The following DISP3 variants were observed in gnomAD, a reference collection of about 807,000 sequenced individuals.
The protein encoded by DISP3 is protein dispatched homolog 3.
Under a neutral mutation model 135.3 loss-of-function variants are expected in DISP3, and 101 were observed. That is an observed-to-expected ratio of 0.75 (90% CI 0.64 to 0.88). The LOEUF is 0.88. DISP3 is among the 40% of genes least tolerant of loss of function. The pLI is 0.00. For missense variants in DISP3, 1,713 were observed against 1,878.6 expected, an observed-to-expected ratio of 0.91 and a Z score of 1.63; for synonymous variants, 856 against 817.0, an observed-to-expected ratio of 1.05 and a Z score of -0.81.
intron 15 of DISP3, 56 bp downstream of exon 15, chr1:11,530,015 A>G: frequency 1.3e-6 from 2 of 1,583,710 alleles, no homozygotes; most frequent in Non-Finnish European, 1.7e-6. Context: ...AGTCTTGCAA[A>G]TAAGCACCTG....
rs377712984 is a variant in DISP3, at chr1:11,502,966, A to G, written c.1316+69A>G. The stretch of plus-strand genomic sequence containing the variant: ...ATTTCCAATTGCCTCTTACTCTTAA[A>G]CCCCATATCCCTTTCCCTATAATCT... On this transcript the variant is annotated intron_variant, in intron 3 of 20. Transcript: ENST00000294484. 8.3e-6 allele frequency: 11 copies of G among 1,320,272 alleles called. No homozygotes were observed. In the East Asian group the frequency reaches 1.4e-4, roughly 17 times the overall value. 81.8% of individuals were successfully genotyped at this position (1,320,272 alleles called of 1,614,324 possible). A position where few individuals can be genotyped will look rare whatever the true frequency, so the allele number is the denominator to read the frequency against.
chr1:11,503,402 C>T (rs1160459435), intron 3 of DISP3, among the ~76,000 whole-genome samples: 1 of 152,206 alleles, frequency 6.6e-6, no homozygotes, highest in African/African-American at 2.4e-5. Context: ...TAGTATAGCT[C>T]AGTCCAAATT....
intron 12 of DISP3, among the ~76,000 whole-genome samples, chr1:11,526,217 G>C (rs1372912866): frequency 6.6e-6 from 1 of 152,174 alleles, no homozygotes; most frequent in African/African-American, 2.4e-5. Context: ...CTGACTCCTA[G>C]GTGCTCGTTC....
chr1:11,492,258 A>C (rs910135248), intron 1 of DISP3, among the ~76,000 whole-genome samples: 6 of 151,946 alleles, frequency 3.9e-5, no homozygotes, highest in Admixed American at 3.3e-4. Flanking sequence ...CACTGAGCCC[A>C]CTAGAGAGGG....
intron 2 of DISP3, 39 bp from the exon 3 acceptor site, chr1:11,502,639 C>G (rs755881157): frequency 1.9e-6 from 3 of 1,542,608 alleles, no homozygotes; most frequent in African/African-American, 1.4e-5. Context: ...TGGGAGCTGA[C>G]CAGCTGAACT....
chr1:11,519,446 G>A lies in DISP3; in HGVS notation c.1981G>A (p.Gly661Ser). 1 of 1,613,738 alleles carries A rather than the reference G, an allele frequency of 6.2e-7. No individual in the cohort carries two copies. The highest frequency in any genetic ancestry group is 8.5e-7 in the Non-Finnish European group (1 of 1,179,994). The change falls in exon 8 of 21, where the codon GGC (glycine) becomes AGC (serine). Residue 661 changes from glycine to serine, a missense_variant. By Grantham distance (56) the Gly-to-Ser change is moderately conservative. Transcript: ENST00000294484. The surrounding 1 kb of genome is among the most constrained non-coding windows in gnomAD (Gnocchi z 4.3). ...PEQVGGSPAQ[G>S]PIPYLDDDIP... ...GCAGGTTGGAGGCAGCCCTGCCCAGGGCCCCATACCCTACCTGGATGATGA... is the reference window on the plus strand; with the variant it reads ...GCAGGTTGGAGGCAGCCCTGCCCAGAGCCCCATACCCTACCTGGATGATGA...
chr1:11,523,650 ACAGCAAGCAGG>A (rs1642315404), intron 10 of DISP3, among the ~76,000 whole-genome samples: 1 of 138,996 alleles, frequency 7.2e-6, no homozygotes, highest in Non-Finnish European at 1.6e-5. Flanking sequence ...TGGCACAGAG[ACAGCAAGCAGG>A]GGGCAGAGTG....
At chr1:11,510,328 A>G (rs1487094791) in intron 3 of DISP3, among the ~76,000 whole-genome samples, 2 of 151,898 alleles carry the variant, frequency 1.3e-5, no homozygotes, top group Non-Finnish European at 2.9e-5. Context: ...TTTATGTTGT[A>G]ACTCTTTTAG....
chr1:11,529,200 G>A lies in DISP3; in HGVS notation c.2799-356G>A, dbSNP rs1447951254. On this transcript the variant is annotated intron_variant, in intron 13 of 20. Transcript: ENST00000294484. This position sits in a 1 kb window ranked among gnomAD's most constrained non-coding sequence, Gnocchi z 4.7. ...GGGGCTTCTGAGCGAGGACCACTAG[G>A]GTTGGCCCTGGGGGTCCCTCCTGAA... Among the ~76,000 whole-genome samples, 5 of 152,146 alleles carry A rather than the reference G, an allele frequency of 3.3e-5. No homozygotes were observed. Among genetic ancestry groups the A allele is most frequent in the Non-Finnish European group, 5.9e-5 (4 of 68,008 alleles).
rs1642698898 is a variant in DISP3 at position 11,536,045 on chromosome 1, A to AT, written c.3817-272dup. ...AAAACCGGCTCTGGGCCTAGTAACG[A>AT]TTTTTTTCTTTAGTTTGGAATTGCG... On this transcript the variant is annotated intron_variant, in intron 20 of 20. Transcript: ENST00000294484. The surrounding 1 kb of genome is among the most constrained non-coding windows in gnomAD (Gnocchi z 4.3). Among the ~76,000 whole-genome samples the AT allele has an allele frequency of 6.6e-6, 1 of 151,974 alleles. No homozygotes were observed. Among genetic ancestry groups the AT allele is most frequent in the South Asian group, 2.1e-4 (1 of 4,830 alleles).
At position 11,501,509 on chromosome 1, in the gene DISP3, C is replaced by A. The variant is rs1641517377; in HGVS notation, c.517C>A (p.Arg173Ser). The A allele has an allele frequency of 1.2e-6, 2 of 1,605,530 alleles. No individual in the cohort carries two copies. The highest frequency in any genetic ancestry group is 1.3e-5 in the African/African-American group (1 of 74,834). The change falls in exon 2 of 21, where the codon CGC becomes AGC. Residue 173 changes from arginine (R) to serine (S), a missense_variant. Physicochemically the swap from Arg to Ser is moderately radical, Grantham distance 110. Transcript: ENST00000294484. This position sits in a 1 kb window ranked among gnomAD's most constrained non-coding sequence, Gnocchi z 4.9. ...NRSRQASRAP[R>S]VIPAASLGGP... ...CTCGCGGCAAGCCTCCCGAGCCCCC[C>A]GCGTCATCCCCGCGGCCTCACTCGG...
intron 10 of DISP3, among the ~76,000 whole-genome samples, chr1:11,522,957 GGACCC>G: frequency 7.2e-6 from 1 of 139,266 alleles, no homozygotes; most frequent in African/African-American, 3.0e-5. Context: ...AGCCCAACCA[GGACCC>G]AGCCAGGACC....
chr1:11,498,444 C>G (rs551383820), intron 1 of DISP3, among the ~76,000 whole-genome samples: 6 of 152,178 alleles, frequency 3.9e-5, no homozygotes, highest in Non-Finnish European at 7.3e-5. Flanking sequence ...TGGACATTCT[C>G]GTAACACAGT....
At position 11,515,313 on chromosome 1, in the gene DISP3, G is replaced by A. The variant is rs548350175; in HGVS notation, c.1454-56G>A. On this transcript the variant is annotated intron_variant, in intron 4 of 20. Transcript: ENST00000294484. ...AGCTGAGGTCAGGGACTCTAGTGGGGTTTGTGTCCCATGAGGGTCCCCCCA... is the reference window on the plus strand; with the variant it reads ...AGCTGAGGTCAGGGACTCTAGTGGGATTTGTGTCCCATGAGGGTCCCCCCA... 3.4e-5 allele frequency: 55 copies of A among 1,601,592 alleles called. No individual in the cohort carries two copies. The Admixed American group carries it at 4.9e-4, about 14-fold the overall frequency.
At chr1:11,530,427 G>A (rs1458608445) in intron 15 of DISP3, among the ~76,000 whole-genome samples, 4 of 152,198 alleles carry the variant, frequency 2.6e-5, no homozygotes, top group Admixed American at 1.3e-4. Flanking sequence ...GGACAGGTGG[G>A]TGTCCTTTGC....
intron 1 of DISP3, among the ~76,000 whole-genome samples, chr1:11,489,237 A>G (rs1641117997): frequency 6.6e-6 from 1 of 152,150 alleles, no homozygotes; most frequent in Admixed American, 6.5e-5. Context: ...AGCAGGTTTG[A>G]GCACGTTTAG....
At position 11,520,628 on chromosome 1, in the gene DISP3, C is replaced by A; in HGVS notation, c.2201-59C>A. The A allele has an allele frequency of 1.3e-6, 2 of 1,564,048 alleles. No individual in the cohort carries two copies. The highest frequency in any genetic ancestry group is 1.2e-5 in the South Asian group (1 of 84,994). Reference sequence around the variant, plus strand: ...AGTTGTCTCCCGGCACTTTGGAGCCCCACTGGGAACAGACCAGCTGGGCCC... The same window carrying A: ...AGTTGTCTCCCGGCACTTTGGAGCCACACTGGGAACAGACCAGCTGGGCCC... On this transcript the variant is annotated intron_variant, in intron 9 of 20. Transcript: ENST00000294484. The surrounding 1 kb of genome is among the most constrained non-coding windows in gnomAD (Gnocchi z 4.8).
chr1:11,519,138 T>C lies in DISP3; in HGVS notation c.1890-217T>C, dbSNP rs1642096069. 6.6e-6 allele frequency among the ~76,000 whole-genome samples: 1 copy of C among 152,132 alleles called. No homozygotes were observed. Among genetic ancestry groups the C allele is most frequent in the South Asian group, 2.1e-4 (1 of 4,816 alleles). On this transcript the variant is annotated intron_variant, in intron 7 of 20. Transcript: ENST00000294484. This position sits in a 1 kb window ranked among gnomAD's most constrained non-coding sequence, Gnocchi z 4.3. Reference sequence around the variant, plus strand: ...CTGGGTAATGTTTGCTGTCACCATTTGTCTCTCTGGAGGAAGACTGGCACC... The same window carrying C: ...CTGGGTAATGTTTGCTGTCACCATTCGTCTCTCTGGAGGAAGACTGGCACC...
At chr1:11,511,788 A>T (rs1047666559) in intron 3 of DISP3, among the ~76,000 whole-genome samples, 11 of 152,160 alleles carry the variant, frequency 7.2e-5, no homozygotes, top group African/African-American at 2.4e-4. Flanking sequence ...ATACTCCCCT[A>T]GCAGAGGTTC....
Sources: allele counts gnomAD v4.1 joint callset (sites outside exome capture counted in the v4.1 genomes callset), GRCh38; gene constraint gnomAD v4.1.1; non-coding constraint Gnocchi (gnomAD v3.1); transcripts MANE v1.5; gene names NCBI Gene and HGNC (gene_info 2026-07-23, HGNC 2026-07-21).